HYCC2: variants seen among roughly 807,000 people sequenced by gnomAD.
The protein encoded by HYCC2 is hyccin PI4KA lipid kinase complex subunit 2, also known as hyccin 2.
the HYCC2 span, among the ~76,000 whole-genome samples, chr2:201,004,930 T>C: frequency 2.1e-5 from 3 of 145,576 alleles, no homozygotes; most frequent in East Asian, 6.0e-4. Context: ...GGCAGGAGAA[T>C]GGTGTGAACC....
At chr2:201,070,436 T>C in the HYCC2 span, among the ~76,000 whole-genome samples, 1 of 152,088 alleles carries the variant, frequency 6.6e-6, no homozygotes, top group African/African-American at 2.4e-5. Context: ...GCGGATCATC[T>C]GACGTCCGGA....
At chr2:201,033,145 TTGTA>T in the HYCC2 span, among the ~76,000 whole-genome samples, 1 of 135,360 alleles carries the variant, frequency 7.4e-6, no homozygotes. Context: ...AAAAAGCTAT[TTGTA>T]TGTGTGTGTA....
At chr2:200,999,391 T>TA in the HYCC2 span, among the ~76,000 whole-genome samples, 1 of 144,770 alleles carries the variant, frequency 6.9e-6, no homozygotes, top group Non-Finnish European at 1.5e-5. Flanking sequence ...CTCTCCCCAC[T>TA]TTTTTTTTTT....
the HYCC2 span, chr2:200,977,554 C>T: frequency 6.6e-6 from 1 of 152,134 alleles, no homozygotes; most frequent in East Asian, 1.9e-4. Context: ...AATATTTTCA[C>T]ATTTAAAAAT....
At chr2:201,002,783 A>C in the HYCC2 span, among the ~76,000 whole-genome samples, 1 of 152,014 alleles carries the variant, frequency 6.6e-6, no homozygotes, top group African/African-American at 2.4e-5. Context: ...TCGGCCTCCC[A>C]AAGTGCTGGG....
At chr2:201,016,365 T>C in the HYCC2 span, among the ~76,000 whole-genome samples, 12 of 152,306 alleles carry the variant, frequency 7.9e-5, no homozygotes, top group African/African-American at 2.6e-4. Context: ...CATGGCTCAC[T>C]GCATCCTCGA....
the HYCC2 span, among the ~76,000 whole-genome samples, chr2:201,025,437 GGAAAGAAAGAAAAAA>G: frequency 2.1e-4 from 31 of 149,958 alleles, no homozygotes; most frequent in African/African-American, 5.4e-4. Context: ...AGAGATGAAG[GGAAAGAAAGAAAAAA>G]GAAAGAAAGA....
chr2:200,980,059 C>T, the HYCC2 span: 8 of 152,446 alleles, frequency 5.2e-5, no homozygotes, highest in African/African-American at 1.9e-4. Context: ...GGTCAGTACC[C>T]CCTGGTAGAA....
chr2:201,068,847 T>C, the HYCC2 span, among the ~76,000 whole-genome samples: 2 of 152,130 alleles, frequency 1.3e-5, no homozygotes, highest in Non-Finnish European at 2.9e-5. Flanking sequence ...TGATAAATGT[T>C]CAGTTCCACA....
chr2:201,026,908 G>C, the HYCC2 span, among the ~76,000 whole-genome samples: 4 of 152,154 alleles, frequency 2.6e-5, no homozygotes, highest in Non-Finnish European at 4.4e-5. Context: ...AAAAGAATTA[G>C]AGAAGCAAGA....
the HYCC2 span, among the ~76,000 whole-genome samples, chr2:201,016,576 C>T: frequency 2.0e-5 from 3 of 151,940 alleles, no homozygotes; most frequent in Non-Finnish European, 1.5e-5. Context: ...TCACTACATC[C>T]GGCCTCAATT....
At chr2:200,995,005 C>CAA in the HYCC2 span, among the ~76,000 whole-genome samples, 27 of 92,436 alleles carry the variant, frequency 2.9e-4, no homozygotes, top group African/African-American at 9.6e-4. Context: ...AAGACTCTCT[C>CAA]AAAAAAAAAA....
chr2:201,055,921 G>A, the HYCC2 span, among the ~76,000 whole-genome samples: 1 of 152,110 alleles, frequency 6.6e-6, no homozygotes, highest in Non-Finnish European at 1.5e-5. Flanking sequence ...GGGCACGGTG[G>A]CTCACACCTG....
At chr2:201,031,462 A>G in the HYCC2 span, among the ~76,000 whole-genome samples, 1 of 152,176 alleles carries the variant, frequency 6.6e-6, no homozygotes, top group Non-Finnish European at 1.5e-5. Flanking sequence ...GACCAGCCTC[A>G]TCAACATGGA....
chr2:201,048,049 T>C, the HYCC2 span, among the ~76,000 whole-genome samples: 4 of 151,996 alleles, frequency 2.6e-5, no homozygotes. Context: ...AAAAAATATA[T>C]ATATCGGGGT....
chr2:200,978,106 A>C, the HYCC2 span: 1 of 152,204 alleles, frequency 6.6e-6, no homozygotes. Flanking sequence ...AAAAGTATGA[A>C]TATTGCTGGC....
chr2:201,010,786 T>C, the HYCC2 span, among the ~76,000 whole-genome samples: 1,694 of 151,820 alleles, frequency 0.011, 39 homozygotes, highest in African/African-American at 0.039. Flanking sequence ...TTTAAAAAAT[T>C]AAAAATAAAA....
chr2:201,063,636 A>T, the HYCC2 span: 6 of 1,578,140 alleles, frequency 3.8e-6, no homozygotes, highest in East Asian at 1.3e-4. Context: ...GCCCTGTCAA[A>T]GCAAGAGATG....
At chr2:201,022,707 A>G in the HYCC2 span, 1 of 569,050 alleles carries the variant, frequency 1.8e-6, no homozygotes. Context: ...ATCAGAATGA[A>G]AAACAGCAGA....
Sources: gnomAD v4.1 joint callset for allele counts (sites outside exome capture counted in the v4.1 genomes callset) on GRCh38, gnomAD v4.1.1 for gene constraint, MANE v1.5 for transcripts, NCBI Gene and HGNC (gene_info 2026-07-23, HGNC 2026-07-21) for gene names.